Variants in SEMA5A observed in about 807,000 individuals in gnomAD.
SEMA5A encodes the protein semaphorin-5A.
SEMA5A carries 55 observed loss-of-function variants against 135.5 expected under a neutral mutation model. The ratio of observed to expected loss-of-function variants is 0.41; its 90% CI spans 0.33 to 0.51. SEMA5A has a LOEUF of 0.51. Ranked by LOEUF, SEMA5A falls within the 20% of genes least tolerant of loss-of-function variation. The pLI, the probability that SEMA5A is intolerant of heterozygous loss-of-function variation, is 0.37. For missense variants in SEMA5A, 1,290 were observed against 1,419.9 expected (o/e 0.91, Z 1.47); for synonymous variants, 580 against 546.5 (o/e 1.06, Z -0.85).
At chr5:9,330,790 G>A (rs775536758) in intron 4 of SEMA5A, among the ~76,000 whole-genome samples, 4 of 152,136 alleles carry the variant, frequency 2.6e-5, no homozygotes, top group Non-Finnish European at 5.9e-5. Context: ...CTGTGCATAG[G>A]GGCCAGCCCT....
intron 5 of SEMA5A, among the ~76,000 whole-genome samples, chr5:9,248,420 A>T (rs1748585838): frequency 6.6e-6 from 1 of 152,136 alleles, no homozygotes; most frequent in Non-Finnish European, 1.5e-5. Context: ...GAAATAAATT[A>T]ATTGCCTACA....
At chr5:9,051,736 C>T (rs980645930) in intron 20 of SEMA5A, 137 bp downstream of exon 20, 18 of 1,014,284 alleles carry the variant, frequency 1.8e-5, no homozygotes, top group East Asian at 1.3e-4. Context: ...ACGTTTTAAA[C>T]ACCTTGAAAC....
chr5:9,276,076 C>A (rs1750246636), intron 5 of SEMA5A, among the ~76,000 whole-genome samples: 1 of 152,164 alleles, frequency 6.6e-6, no homozygotes, highest in South Asian at 2.1e-4. Flanking sequence ...CATCTCAGCC[C>A]AAAATCTCCT....
chr5:9,332,541 G>T (rs1420879929), intron 4 of SEMA5A, among the ~76,000 whole-genome samples: 1 of 151,686 alleles, frequency 6.6e-6, no homozygotes, highest in Admixed American at 6.6e-5. Flanking sequence ...CATTGGGTCA[G>T]GTGTGCAAGG....
chr5:9,528,602 C>T (rs1201294334), intron 1 of SEMA5A, among the ~76,000 whole-genome samples: 1 of 152,170 alleles, frequency 6.6e-6, no homozygotes, highest in Non-Finnish European at 1.5e-5. Flanking sequence ...ACGTCCACTT[C>T]CAGTATCGAA....
chr5:9,390,509 C>G (rs1446550030), intron 2 of SEMA5A, among the ~76,000 whole-genome samples: 10 of 152,148 alleles, frequency 6.6e-5, no homozygotes, highest in African/African-American at 2.2e-4. Flanking sequence ...AGTAAATAGA[C>G]TGCTAATAAA....
At chr5:9,300,591 T>C (rs182155519) in intron 5 of SEMA5A, among the ~76,000 whole-genome samples, 1 of 152,292 alleles carries the variant, frequency 6.6e-6, no homozygotes, top group Admixed American at 6.5e-5. Context: ...ACTACCTGAA[T>C]TGGGTTGAAT....
At chr5:9,116,891 T>G (rs1253522780) in intron 15 of SEMA5A, among the ~76,000 whole-genome samples, 1 of 152,232 alleles carries the variant, frequency 6.6e-6, no homozygotes, top group African/African-American at 2.4e-5. Context: ...AAGAACCTAT[T>G]GCTTATGAAG....
chr5:9,061,687 C>T (rs560086873), intron 18 of SEMA5A, among the ~76,000 whole-genome samples: 4 of 152,100 alleles, frequency 2.6e-5, no homozygotes, highest in Non-Finnish European at 5.9e-5. Flanking sequence ...AAGCCCTGGG[C>T]GGGGGCTCTT....
intron 5 of SEMA5A, among the ~76,000 whole-genome samples, chr5:9,263,455 G>A (rs1209813385): frequency 6.6e-6 from 1 of 152,138 alleles, no homozygotes; most frequent in Non-Finnish European, 1.5e-5. Context: ...CTCTTTATGG[G>A]ACTCTAGTGC....
At chr5:9,291,077 T>C (rs1751052054) in intron 5 of SEMA5A, among the ~76,000 whole-genome samples, 1 of 152,192 alleles carries the variant, frequency 6.6e-6, no homozygotes, top group South Asian at 2.1e-4. Flanking sequence ...AGAAACAGAA[T>C]TTCCCATTTT....
At chr5:9,262,955 G>A (rs1340182866) in intron 5 of SEMA5A, among the ~76,000 whole-genome samples, 76 of 100,240 alleles carry the variant, frequency 7.6e-4, no homozygotes, top group East Asian at 1.8e-3. Flanking sequence ...AAATATTTTC[G>A]AAAAAATAAA....
intron 1 of SEMA5A, among the ~76,000 whole-genome samples, chr5:9,487,138 T>C (rs1383555541): frequency 6.6e-6 from 1 of 152,018 alleles, no homozygotes; most frequent in Non-Finnish European, 1.5e-5. Context: ...CAAGAACCAA[T>C]AAAACTTTCA....
chr5:9,406,186 C>T (rs925753266), intron 2 of SEMA5A, among the ~76,000 whole-genome samples: 9 of 152,280 alleles, frequency 5.9e-5, no homozygotes, highest in Middle Eastern at 3.4e-3. Context: ...AGTATTTGTC[C>T]AAACACAAAC....
At chr5:9,043,120 G>T in intron 22 of SEMA5A, 104 bp from the exon 23 acceptor site, 2 of 997,324 alleles carry the variant, frequency 2.0e-6, no homozygotes, top group Non-Finnish European at 2.9e-6. Flanking sequence ...TCTCTGCTAA[G>T]ACTCCATATT....
chr5:9,477,443 C>A (rs1474395383), intron 1 of SEMA5A, among the ~76,000 whole-genome samples: 1 of 152,178 alleles, frequency 6.6e-6, no homozygotes, highest in East Asian at 1.9e-4. Context: ...AAGTTTGGAA[C>A]TTCCTAGAGA....
At chr5:9,230,851 C>T (rs1280600908) in intron 6 of SEMA5A, among the ~76,000 whole-genome samples, 4 of 152,158 alleles carry the variant, frequency 2.6e-5, no homozygotes, top group Non-Finnish European at 5.9e-5. Flanking sequence ...CCTACAGGAG[C>T]AACGAGTGGA....
intron 5 of SEMA5A, among the ~76,000 whole-genome samples, chr5:9,242,677 G>A (rs1748265736): frequency 6.6e-6 from 1 of 152,092 alleles, no homozygotes; most frequent in Non-Finnish European, 1.5e-5. Context: ...ATACTGCTCG[G>A]GCGATGGGTG....
At chr5:9,537,957 C>A (rs1396941126) in intron 1 of SEMA5A, among the ~76,000 whole-genome samples, 3 of 152,122 alleles carry the variant, frequency 2.0e-5, no homozygotes, top group African/African-American at 7.2e-5. Flanking sequence ...TAAACACTCC[C>A]ATGGAAAGCC....
Sources: allele counts gnomAD v4.1 joint callset (sites outside exome capture counted in the v4.1 genomes callset), GRCh38; gene constraint gnomAD v4.1.1; transcripts MANE v1.5; gene names NCBI Gene and HGNC (gene_info 2026-07-23, HGNC 2026-07-21).